NAALADL2: variants seen among roughly 807,000 people sequenced by gnomAD.
NAALADL2 encodes the protein N-acetylated alpha-linked acidic dipeptidase like 2.
Under a neutral mutation model 87.2 loss-of-function variants are expected in NAALADL2, and 76 were observed. That is an observed-to-expected ratio of 0.87 (90% CI 0.72 to 1.05). The LOEUF (loss-of-function observed/expected upper bound fraction) is 1.05, where lower values mean the gene tolerates loss of function less well. Ranked by LOEUF, NAALADL2 falls within the 50% of genes least tolerant of loss-of-function variation. The pLI is 0.00. For missense variants in NAALADL2, 1,089 were observed against 945.8 expected, an observed-to-expected ratio of 1.15 and a Z score of -1.99; for synonymous variants, 354 against 331.0, an observed-to-expected ratio of 1.07 and a Z score of -0.75.
intron 5 of NAALADL2, among the ~76,000 whole-genome samples, chr3:175,368,844 T>A (rs1179742820): frequency 1.3e-5 from 2 of 152,100 alleles, no homozygotes; most frequent in Non-Finnish European, 2.9e-5. Context: ...TGCAGTGGTA[T>A]TTGTATATCT....
chr3:175,329,416 A>C (rs1283579190), intron 5 of NAALADL2, among the ~76,000 whole-genome samples: 2 of 152,192 alleles, frequency 1.3e-5, no homozygotes, highest in Non-Finnish European at 2.9e-5. Context: ...TTCAAAGAAT[A>C]AAGAATATCA....
chr3:174,802,499 A>C (rs115977362), intron 3 of NAALADL2, among the ~76,000 whole-genome samples: 2 of 152,124 alleles, frequency 1.3e-5, no homozygotes, highest in Admixed American at 1.3e-4. Flanking sequence ...TTTTATTATT[A>C]TACTTTAAGT....
At chr3:175,111,676 A>G (rs1445774950) in intron 2 of NAALADL2, among the ~76,000 whole-genome samples, 2 of 151,750 alleles carry the variant, frequency 1.3e-5, no homozygotes, top group Non-Finnish European at 3.0e-5. Flanking sequence ...ACATGCCCTT[A>G]GCACAGCTCA....
chr3:174,752,595 T>A (rs554178608), intron 3 of NAALADL2, among the ~76,000 whole-genome samples: 72 of 152,208 alleles, frequency 4.7e-4, no homozygotes, highest in African/African-American at 1.7e-3. Flanking sequence ...ATTTTTTTTT[T>A]ATTTCACATA....
At chr3:174,833,531 A>G (rs527346929) in intron 3 of NAALADL2, among the ~76,000 whole-genome samples, 135 of 152,232 alleles carry the variant, frequency 8.9e-4, no homozygotes, top group African/African-American at 3.0e-3. Flanking sequence ...GGAAGAGGAA[A>G]AACTTGCCCA....
intron 11 of NAALADL2, among the ~76,000 whole-genome samples, chr3:175,725,769 T>C (rs1742836023): frequency 1.3e-5 from 2 of 152,190 alleles, no homozygotes; most frequent in African/African-American, 4.8e-5. Flanking sequence ...GAGCAATGCT[T>C]CTATTTTCTC....
intron 2 of NAALADL2, among the ~76,000 whole-genome samples, chr3:175,101,311 C>A (rs1173425009): frequency 6.6e-6 from 1 of 152,076 alleles, no homozygotes; most frequent in African/African-American, 2.4e-5. Context: ...CATTATTATC[C>A]TTTTGTGGAC....
chr3:175,742,676 C>T (rs1010302305), intron 12 of NAALADL2, among the ~76,000 whole-genome samples: 2 of 152,160 alleles, frequency 1.3e-5, no homozygotes, highest in African/African-American at 2.4e-5. Flanking sequence ...GGATTACAGG[C>T]GTGAGCCACC....
intron 2 of NAALADL2, among the ~76,000 whole-genome samples, chr3:175,230,038 G>A (rs996720498): frequency 1.3e-5 from 2 of 151,914 alleles, no homozygotes; most frequent in Non-Finnish European, 2.9e-5. Flanking sequence ...AACACATATG[G>A]CAACTCATAT....
intron 1 of NAALADL2, among the ~76,000 whole-genome samples, chr3:175,063,256 T>TA (rs1713887079): frequency 6.6e-6 from 1 of 152,170 alleles, no homozygotes; most frequent in African/African-American, 2.4e-5. Flanking sequence ...AAAACATTTT[T>TA]ATCGCTTGTT....
chr3:174,862,055 A>G (rs1726573029), intron 1 of NAALADL2, among the ~76,000 whole-genome samples: 1 of 152,088 alleles, frequency 6.6e-6, no homozygotes, highest in Admixed American at 6.6e-5. Flanking sequence ...GCTATCATAC[A>G]TGAAGGTTCA....
At chr3:174,654,510 G>T (rs188146345) in intron 2 of NAALADL2, among the ~76,000 whole-genome samples, 173 of 151,996 alleles carry the variant, frequency 1.1e-3, no homozygotes, top group African/African-American at 4.1e-3. Flanking sequence ...AGATAGATGA[G>T]ATCTGGCAAA....
At chr3:175,735,475 A>C (rs1744371315) in intron 11 of NAALADL2, among the ~76,000 whole-genome samples, 1 of 152,186 alleles carries the variant, frequency 6.6e-6, no homozygotes, top group African/African-American at 2.4e-5. Flanking sequence ...GCTGATAAAG[A>C]CATATCCAAG....
chr3:175,162,844 T>A (rs1017499020), intron 2 of NAALADL2, among the ~76,000 whole-genome samples: 1 of 152,186 alleles, frequency 6.6e-6, no homozygotes, highest in Non-Finnish European at 1.5e-5. Flanking sequence ...TGTGTATTAT[T>A]TAAATATTTT....
intron 6 of NAALADL2, among the ~76,000 whole-genome samples, chr3:175,461,311 G>A (rs936870592): frequency 5.9e-5 from 9 of 151,828 alleles, no homozygotes; most frequent in African/African-American, 2.2e-4. Flanking sequence ...TTTTTACAGA[G>A]TGCTGATTGG....
intron 3 of NAALADL2, among the ~76,000 whole-genome samples, chr3:174,738,985 G>A (rs1733493510): frequency 6.6e-6 from 1 of 151,866 alleles, no homozygotes; most frequent in South Asian, 2.1e-4. Context: ...AATAAAACTA[G>A]CCTGTAAATT....
chr3:175,688,569 AG>A (rs1245059431), intron 11 of NAALADL2, among the ~76,000 whole-genome samples: 1 of 152,150 alleles, frequency 6.6e-6, no homozygotes, highest in Non-Finnish European at 1.5e-5. Flanking sequence ...CCCTCATGGA[AG>A]GGTGCACAGT....
chr3:175,759,808 G>T (rs955561110), intron 13 of NAALADL2, among the ~76,000 whole-genome samples: 1 of 152,280 alleles, frequency 6.6e-6, no homozygotes, highest in South Asian at 2.1e-4. Context: ...AAGTACAAAA[G>T]GTAGAGTAGT....
chr3:175,021,410 C>T (rs1221452013), intron 1 of NAALADL2, among the ~76,000 whole-genome samples: 1 of 152,002 alleles, frequency 6.6e-6, no homozygotes, highest in East Asian at 1.9e-4. Flanking sequence ...TATGCTCCCT[C>T]TGGGATATGA....
Sources: gnomAD v4.1 joint callset for allele counts (sites outside exome capture counted in the v4.1 genomes callset) on GRCh38, gnomAD v4.1.1 for gene constraint, MANE v1.5 for transcripts, NCBI Gene and HGNC (gene_info 2026-07-23, HGNC 2026-07-21) for gene names.